ARHGEF10: variants seen among roughly 807,000 people sequenced by gnomAD.
ARHGEF10 encodes Rho guanine nucleotide exchange factor 10, also known as Rho guanine nucleotide exchange factor (GEF) 10.
A neutral mutation model predicts 147.4 loss-of-function variants in ARHGEF10; 140 were observed. That is an observed-to-expected ratio of 0.95 (90% CI 0.83 to 1.09). ARHGEF10 has a LOEUF of 1.09. ARHGEF10 is among the 50% of genes least tolerant of loss of function. ARHGEF10 has a pLI of 0.00. For synonymous variants in ARHGEF10, 902 were observed against 695.8 expected (o/e 1.30, Z -4.67); for missense variants, 2,222 against 1,752.7 (o/e 1.27, Z -4.78).
At chr8:1,834,828 A>C (rs540504998) in intron 1 of ARHGEF10, among the ~76,000 whole-genome samples, 36 of 152,320 alleles carry the variant, frequency 2.4e-4, no homozygotes, top group Non-Finnish European at 4.7e-4. Context: ...TGCCGGGGCC[A>C]CAGGGGTTTC....
chr8:1,944,745 C>T (rs1429843422), intron 26 of ARHGEF10, among the ~76,000 whole-genome samples: 6 of 152,212 alleles, frequency 3.9e-5, no homozygotes, highest in Non-Finnish European at 8.8e-5. Context: ...AGCTTCATCC[C>T]AGCCCTCACC....
chr8:1,843,813 G>C (rs1804285623), intron 2 of ARHGEF10, among the ~76,000 whole-genome samples: 1 of 152,218 alleles, frequency 6.6e-6, no homozygotes, highest in South Asian at 2.1e-4. Context: ...GCTCGCCCAT[G>C]GCGGGTGCTC....
At chr8:1,872,578 C>G (rs781097328) in intron 7 of ARHGEF10, among the ~76,000 whole-genome samples, 1 of 152,180 alleles carries the variant, frequency 6.6e-6, no homozygotes, top group African/African-American at 2.4e-5. Flanking sequence ...CTTTGAGAAG[C>G]TCTTGTAACA....
In ARHGEF10 at chr8:1,915,741, A is replaced by C. The variant is rs72621161; in HGVS notation, c.2143+6271A>C. 7.0e-3 allele frequency among the ~76,000 whole-genome samples: 1,070 copies of C among 152,372 alleles called. 23 individuals carry two copies. Among genetic ancestry groups the C allele is most frequent in the East Asian group, 0.05 (259 of 5,186 alleles). On this transcript the variant is annotated intron_variant, in intron 18 of 28. Coordinates refer to ENST00000349830, the MANE Select transcript of ARHGEF10 (RefSeq NM_014629.4). Reference sequence around the variant, plus strand: ...CACACCCTTCAAACTCTCTGTCTTTAGGAGCTCAACAGGAGGCAGGGAGAA... The same window carrying C: ...CACACCCTTCAAACTCTCTGTCTTTCGGAGCTCAACAGGAGGCAGGGAGAA...
chr8:1,834,098 G>A (rs1056327299), intron 1 of ARHGEF10, among the ~76,000 whole-genome samples: 1 of 152,278 alleles, frequency 6.6e-6, no homozygotes, highest in East Asian at 1.9e-4. Flanking sequence ...CTCACCCATC[G>A]GGGTGGACTC....
At chr8:1,862,731 AG>A (rs1806235950) in intron 4 of ARHGEF10, among the ~76,000 whole-genome samples, 1 of 150,826 alleles carries the variant, frequency 6.6e-6, no homozygotes. Context: ...CACAAGTAAA[AG>A]CTTTGTGGCT....
At chr8:1,890,091 G>A (rs1809339406) in intron 11 of ARHGEF10, among the ~76,000 whole-genome samples, 1 of 148,268 alleles carries the variant, frequency 6.7e-6, no homozygotes, top group Non-Finnish European at 1.5e-5. Flanking sequence ...TGAGGGGTCT[G>A]TGAGGAGTCA....
At chr8:1,901,432 C>T (rs772293640) in intron 15 of ARHGEF10, among the ~76,000 whole-genome samples, 16 of 152,190 alleles carry the variant, frequency 1.1e-4, no homozygotes, top group Non-Finnish European at 1.2e-4. Flanking sequence ...GCAGTGAAAC[C>T]GGCTCACCCT....
chr8:1,904,374 T>C (rs1810720487), intron 16 of ARHGEF10: 3 of 152,230 alleles, frequency 2.0e-5, no homozygotes, highest in African/African-American at 7.2e-5. Context: ...AAAATCATTA[T>C]TGCTACAAAT....
At chr8:1,827,866 C>T (rs1355835335) in intron 1 of ARHGEF10, among the ~76,000 whole-genome samples, 1 of 152,202 alleles carries the variant, frequency 6.6e-6, no homozygotes, top group African/African-American at 2.4e-5. Context: ...GTATCCAGAG[C>T]TGTGACTGGT....
chr8:1,842,424 T>TC (rs146372478), intron 1 of ARHGEF10, among the ~76,000 whole-genome samples: 17,405 of 151,770 alleles, frequency 0.11, 1,187 homozygotes, highest in East Asian at 0.24. Context: ...CAGCCTGCCA[T>TC]CCCCTCGCGT....
At chr8:1,899,829 T>TC (rs1196612934) in intron 15 of ARHGEF10, among the ~76,000 whole-genome samples, 1 of 152,240 alleles carries the variant, frequency 6.6e-6, no homozygotes, top group Non-Finnish European at 1.5e-5. Context: ...TGAATGAGCT[T>TC]CCTCGTGTGA....
rs1803367786 is a variant in ARHGEF10, at chr8:1,833,322, G to GAGGCA, written c.-48+9209_-48+9210insAGGCA. On this transcript the variant is annotated intron_variant, in intron 1 of 28. Transcript: ENST00000349830. ...GACAGAGGCAGAGACAGAAGCAGAG[G>GAGGCA]GAGACAGAGACAGAGGCAGAGACAG... Among the ~76,000 whole-genome samples, 3 of 109,480 alleles carry GAGGCA rather than the reference G, an allele frequency of 2.7e-5. 1 individual carries two copies. The highest frequency in any genetic ancestry group is 7.9e-3 in the Middle Eastern group (1 of 126). 71.8% of individuals were successfully genotyped at this position (109,480 alleles called of 152,430 possible). A position where few individuals can be genotyped will look rare whatever the true frequency, so the allele number is the denominator to read the frequency against.
At chr8:1,892,790 G>A (rs1809653091) in intron 11 of ARHGEF10, among the ~76,000 whole-genome samples, 1 of 152,094 alleles carries the variant, frequency 6.6e-6, no homozygotes, top group Non-Finnish European at 1.5e-5. Flanking sequence ...AAACTCTATT[G>A]CCCTGTTTTG....
chr8:1,896,182 A>G, intron 13 of ARHGEF10, 151 bp from the exon 14 acceptor site: 1 of 792,848 alleles, frequency 1.3e-6, no homozygotes, highest in South Asian at 1.4e-5. Context: ...TAAAGAAAAA[A>G]AATCACACAG....
intron 28 of ARHGEF10, among the ~76,000 whole-genome samples, chr8:1,953,067 C>A (rs543895086): frequency 1.3e-5 from 2 of 152,318 alleles, no homozygotes; most frequent in East Asian, 3.9e-4. Context: ...TGTTTACTGC[C>A]AGAATTAGTT....
intron 1 of ARHGEF10, among the ~76,000 whole-genome samples, chr8:1,837,673 G>T (rs983399902): frequency 6.6e-6 from 1 of 152,210 alleles, no homozygotes; most frequent in South Asian, 2.1e-4. Flanking sequence ...AGGGCGGGAA[G>T]GGGGAAGAGT....
At chr8:1,892,414 G>A (rs1407356168) in intron 11 of ARHGEF10, among the ~76,000 whole-genome samples, 1 of 151,560 alleles carries the variant, frequency 6.6e-6, no homozygotes, top group Non-Finnish European at 1.5e-5. Flanking sequence ...TAGAAGGGTT[G>A]ATTTTTGTCT....
chr8:1,835,811 A>G (rs754458291), intron 1 of ARHGEF10, among the ~76,000 whole-genome samples: 1 of 152,236 alleles, frequency 6.6e-6, no homozygotes, highest in Non-Finnish European at 1.5e-5. Context: ...GGCCTGACGC[A>G]CACGGCATGA....
Sources: gnomAD v4.1 joint callset for allele counts (sites outside exome capture counted in the v4.1 genomes callset) on GRCh38, gnomAD v4.1.1 for gene constraint, MANE v1.5 for transcripts, NCBI Gene and HGNC (gene_info 2026-07-23, HGNC 2026-07-21) for gene names.